Variants in INTS6 observed in about 807,000 individuals in gnomAD.
INTS6 encodes the protein DEAD box protein.
INTS6 carries 16 observed loss-of-function variants against 104.9 expected under a neutral mutation model. That is an observed-to-expected ratio of 0.15 (90% CI 0.10 to 0.23). The LOEUF is 0.23. INTS6 is among the 10% of genes least tolerant of loss of function. INTS6 has a pLI of 1.00. For synonymous variants in INTS6, 324 were observed against 358.7 expected, an observed-to-expected ratio of 0.90 and a Z score of 1.09; for missense variants, 584 against 1,062.8, an observed-to-expected ratio of 0.55 and a Z score of 6.26.
In INTS6 at chr13:51,452,268, C is replaced by T; in HGVS notation, c.111+147G>A. On this transcript the variant is annotated intron_variant, in intron 1 of 17. Transcript: ENST00000311234. The surrounding 1 kb of genome is among the most constrained non-coding windows in gnomAD (Gnocchi z 4.2). ...GGCCGAACCCGGCTCGCAGCGCCCG[C>T]CCGCCCGCGCGGTGGGGGAGGGGGT... 3.5e-6 allele frequency: 3 copies of T among 865,796 alleles called. No individual in the cohort carries two copies. Among genetic ancestry groups the T allele is most frequent in the East Asian group, 4.6e-5 (1 of 21,858 alleles). The allele number at this position is 865,796 out of a possible 1,614,324, so 53.6% of individuals were successfully genotyped here.
intron 5 of INTS6, among the ~76,000 whole-genome samples, chr13:51,390,607 C>A (rs1187658573): frequency 1.3e-5 from 2 of 151,992 alleles, no homozygotes; most frequent in Non-Finnish European, 2.9e-5. Context: ...AATTATTTCA[C>A]AACACAAGCT....
At chr13:51,360,779 C>G (rs964625453), downstream of INTS6, among the ~76,000 whole-genome samples, 1 of 151,968 alleles carries the variant, frequency 6.6e-6, no homozygotes, top group Non-Finnish European at 1.5e-5. Context: ...TAATAAAAAC[C>G]TGTGACTTTG....
At chr13:51,413,685 A>G (rs1956731106) in intron 4 of INTS6, among the ~76,000 whole-genome samples, 1 of 152,208 alleles carries the variant, frequency 6.6e-6, no homozygotes, top group African/African-American at 2.4e-5. Flanking sequence ...TCAGAAAAAA[A>G]TATTTCCTAG....
chr13:51,390,764 A>G (rs1956232228), intron 5 of INTS6, among the ~76,000 whole-genome samples: 2 of 152,168 alleles, frequency 1.3e-5, no homozygotes, highest in East Asian at 1.9e-4. Flanking sequence ...AAATACAACA[A>G]CTTAACTGTA....
At chr13:51,347,356 T>C in the INTS6 span, 14 of 820,896 alleles carry the variant, frequency 1.7e-5, no homozygotes, top group Admixed American at 4.5e-5. Context: ...GTCCATCTGC[T>C]GGACTGGGCA....
At chr13:51,414,869 C>CAG (rs1555288627) in intron 4 of INTS6, among the ~76,000 whole-genome samples, 2 of 150,590 alleles carry the variant, frequency 1.3e-5, no homozygotes, top group Non-Finnish European at 3.0e-5. Flanking sequence ...CACACACACA[C>CAG]AGTTCTAAGA....
At chr13:51,405,410 T>C (rs967342741) in intron 4 of INTS6, among the ~76,000 whole-genome samples, 2 of 152,150 alleles carry the variant, frequency 1.3e-5, no homozygotes, top group African/African-American at 2.4e-5. Context: ...TTAAAGAAAA[T>C]GCAGAGGAAT....
At chr13:51,407,080 GAA>G (rs572557426) in intron 4 of INTS6, among the ~76,000 whole-genome samples, 3 of 136,978 alleles carry the variant, frequency 2.2e-5, no homozygotes, top group Admixed American at 7.3e-5. Flanking sequence ...CCTTTCAGAG[GAA>G]AAAAAAAAAA....
intron 3 of INTS6, chr13:51,444,820 A>G (rs1952875272): frequency 7.7e-6 from 1 of 129,626 alleles, no homozygotes; most frequent in African/African-American, 2.8e-5. Flanking sequence ...TTTTTTTCAG[A>G]TCATGACTGG....
intron 4 of INTS6, among the ~76,000 whole-genome samples, chr13:51,401,818 A>G (rs1956446381): frequency 6.6e-6 from 1 of 152,180 alleles, no homozygotes; most frequent in Admixed American, 6.5e-5. Flanking sequence ...CTGTGCTCTT[A>G]AACACTGTAT....
At chr13:51,448,396 A>G (rs973234407) in intron 3 of INTS6, 2 of 152,228 alleles carry the variant, frequency 1.3e-5, no homozygotes, top group African/African-American at 4.8e-5. Context: ...TTAAATATTT[A>G]TAACAATGTC....
chr13:51,356,598 G>A (rs755242037), downstream of INTS6, among the ~76,000 whole-genome samples: 5 of 151,980 alleles, frequency 3.3e-5, no homozygotes, highest in Non-Finnish European at 7.4e-5. Context: ...AACTCCTAAA[G>A]CTCTCCCTTT....
intron 4 of INTS6, among the ~76,000 whole-genome samples, chr13:51,401,281 G>A (rs929266371): frequency 6.6e-6 from 1 of 151,924 alleles, no homozygotes; most frequent in African/African-American, 2.4e-5. Context: ...CCAAATATTA[G>A]GTATGTTTAG....
intron 4 of INTS6, among the ~76,000 whole-genome samples, chr13:51,429,557 A>G (rs1009995028): frequency 6.6e-6 from 1 of 151,774 alleles, no homozygotes; most frequent in African/African-American, 2.4e-5. Context: ...TGAGGTCAGG[A>G]GTTCGAGACC....
chr13:51,447,788 G>T (rs927773566), intron 3 of INTS6: 1 of 150,332 alleles, frequency 6.7e-6, no homozygotes, highest in Non-Finnish European at 1.5e-5. Flanking sequence ...GCCGGGTGCT[G>T]TGGCTCACGC....
rs774371163 is a variant in INTS6 at position 51,361,886 on chromosome 13, T to G, written c.*3866A>C. 54 of 1,611,616 alleles carry G rather than the reference T, an allele frequency of 3.4e-5. No individual in the cohort carries two copies. Among genetic ancestry groups the G allele is most frequent in the Middle Eastern group, 1.6e-4 (1 of 6,068 alleles). On this transcript the variant is annotated 3_prime_UTR_variant, in exon 18 of 18. Transcript: ENST00000311234. ...CATTCATCTATTTCCTGAGAGAACC[T>G]AACACAGGTATTACAGTATTTTTTG...
At chr13:51,341,170 A>C in the INTS6 span, 1 of 1,614,008 alleles carries the variant, frequency 6.2e-7, no homozygotes, top group Non-Finnish European at 8.5e-7. Context: ...TGAAGGAATG[A>C]CATTGCTGAA....
intron 4 of INTS6, among the ~76,000 whole-genome samples, chr13:51,397,784 A>G (rs907453441): frequency 6.6e-6 from 1 of 152,160 alleles, no homozygotes; most frequent in Middle Eastern, 3.4e-3. Context: ...AACTGTCTTG[A>G]GAATGTGGGG....
chr13:51,353,207 G>T (rs1024419354), downstream of INTS6, among the ~76,000 whole-genome samples: 7 of 151,840 alleles, frequency 4.6e-5, no homozygotes, highest in African/African-American at 1.7e-4. Flanking sequence ...GATGTTTTTA[G>T]TTTATGAAAA....
Sources: allele counts gnomAD v4.1 joint callset (sites outside exome capture counted in the v4.1 genomes callset), GRCh38; gene constraint gnomAD v4.1.1; non-coding constraint Gnocchi (gnomAD v3.1); transcripts MANE v1.5; gene names NCBI Gene and HGNC (gene_info 2026-07-23, HGNC 2026-07-21).